ZDHHC24: variants seen among roughly 807,000 people sequenced by gnomAD.
The protein encoded by ZDHHC24 is zDHHC palmitoyltransferase 24.
In ZDHHC24, 17 loss-of-function variants were observed where a neutral mutation model predicts 23.2. That is an observed-to-expected ratio of 0.73 (90% CI 0.50 to 1.10). The LOEUF is 1.10. ZDHHC24 is among the 50% of genes least tolerant of loss of function. ZDHHC24 has a pLI of 0.00. For missense variants in ZDHHC24, 366 were observed against 393.0 expected (o/e 0.93, Z 0.58); for synonymous variants, 186 against 194.5 (o/e 0.96, Z 0.36).
At chr11:66,525,685 G>A (rs1008579343) in intron 4 of ZDHHC24, among the ~76,000 whole-genome samples, 1 of 152,216 alleles carries the variant, frequency 6.6e-6, no homozygotes, top group Non-Finnish European at 1.5e-5. Context: ...TGGTATGCTC[G>A]TTGAAAGAAG....
rs1277126890 is a variant in ZDHHC24 at position 66,536,138 on chromosome 11, C to G, written c.*3391G>C. The G allele has an allele frequency of 6.6e-6, 1 of 152,320 alleles. No homozygotes were observed. Among genetic ancestry groups the G allele is most frequent in the Non-Finnish European group, 1.5e-5 (1 of 68,136 alleles). 9.4% of individuals were successfully genotyped at this position (152,320 alleles called of 1,614,324 possible). ...GAATGACTGAAACAGGACAGTGTCT[C>G]CCCCACCAGGAAGGGGCAACAGCAG... On this transcript the variant is annotated 3_prime_UTR_variant, in exon 3 of 3. Coordinates refer to ENST00000310442, the MANE Select transcript of ZDHHC24 (RefSeq NM_207340.3).
chr11:66,527,114 C>T (rs1207950289), intron 3 of ZDHHC24: 12 of 1,176,302 alleles, frequency 1.0e-5, no homozygotes, highest in Admixed American at 4.0e-5. Flanking sequence ...TGGTGGCTCA[C>T]GCCTGTAATC....
chr11:66,540,620 C>G (rs1223583336), intron 2 of ZDHHC24, among the ~76,000 whole-genome samples: 1 of 151,306 alleles, frequency 6.6e-6, no homozygotes, highest in Non-Finnish European at 1.5e-5. Flanking sequence ...CCCAGCTACT[C>G]AGGAGGCTGA....
Position 66,545,936 on chromosome 11 carries a change from G to A in ZDHHC24, c.68C>T (p.Ala23Val). 2 of 1,503,676 alleles carry A rather than the reference G, an allele frequency of 1.3e-6. No individual in the cohort carries two copies. The highest frequency in any genetic ancestry group is 1.8e-6 in the Non-Finnish European group (2 of 1,136,550). 93.1% of individuals were successfully genotyped at this position (1,503,676 alleles called of 1,614,324 possible). ...APAQLPLVLT[A>V]LWAAAVGLEL... is the part of the protein sequence containing the mutation. ...CAGGCCCACGGCCGCGGCCCACAGC[G>A]CGGTGAGCACGAGAGGCAGCTGCGC... The change falls in exon 1 of 3, where the codon GCG becomes GTG. Residue 23 changes from alanine to valine, a missense_variant. Transcript: ENST00000310442. This position sits in a 1 kb window ranked among gnomAD's most constrained non-coding sequence, Gnocchi z 4.5.
rs1856982187 is a variant in ZDHHC24, at chr11:66,536,800, G to A, written c.*2729C>T. 1.3e-5 allele frequency: 2 copies of A among 151,544 alleles called. No homozygotes were observed. The highest frequency in any genetic ancestry group is 6.6e-5 in the Admixed American group (1 of 15,212). The allele number at this position is 151,544 out of a possible 1,614,324, so 9.4% of individuals were successfully genotyped here. A position where few individuals can be genotyped will look rare whatever the true frequency, so the allele number is the denominator to read the frequency against. On this transcript the variant is annotated 3_prime_UTR_variant, in exon 3 of 3. Coordinates refer to ENST00000310442, the MANE Select transcript of ZDHHC24 (RefSeq NM_207340.3). ...GCAGCAGGAGAATCGCTTGAACCCG[G>A]GAGGCGGAGGTTTCGGTGAACCAAG... is the stretch of plus-strand genomic sequence containing the variant.
intron 4 of ZDHHC24, chr11:66,521,500 C>T (rs1246518507): frequency 2.5e-6 from 2 of 787,706 alleles, no homozygotes; most frequent in Non-Finnish European, 4.3e-6. Flanking sequence ...CTGAGAACTT[C>T]ATAAAGGAGG....
chr11:66,543,576 C>G, intron 2 of ZDHHC24, 128 bp downstream of exon 2: 1 of 1,233,604 alleles, frequency 8.1e-7, no homozygotes. Flanking sequence ...GCTGCCCTTA[C>G]TGGCCATCAC....
intron 3 of ZDHHC24, among the ~76,000 whole-genome samples, chr11:66,528,166 A>G (rs1856602616): frequency 6.6e-6 from 1 of 152,228 alleles, no homozygotes; most frequent in Non-Finnish European, 1.5e-5. Flanking sequence ...CAGTGAACCA[A>G]GATCACGCCA....
At chr11:66,540,279 C>T (rs1244194726) in intron 2 of ZDHHC24, among the ~76,000 whole-genome samples, 2 of 151,952 alleles carry the variant, frequency 1.3e-5, no homozygotes, top group South Asian at 2.1e-4. Flanking sequence ...ATTAGCCAGA[C>T]GTGGTGGCAG....
At chr11:66,531,914 G>T (rs773951347), downstream of ZDHHC24, 7 of 1,569,982 alleles carry the variant, frequency 4.5e-6, no homozygotes, top group Non-Finnish European at 5.2e-6. Context: ...GGGGTCAGGG[G>T]TGTATGCCCC....
chr11:66,541,272 G>A (rs1052489966), intron 2 of ZDHHC24, among the ~76,000 whole-genome samples: 16 of 151,784 alleles, frequency 1.1e-4, no homozygotes, highest in Non-Finnish European at 1.3e-4. Flanking sequence ...GCGTGGTGGC[G>A]CATGCCTGTA....
At chr11:66,521,075 C>G, downstream of ZDHHC24, 1 of 630,582 alleles carries the variant, frequency 1.6e-6, no homozygotes, top group East Asian at 2.8e-5. Context: ...ATCGTTTAGT[C>G]AAAAGGCACA....
chr11:66,545,619 A>G lies in ZDHHC24; in HGVS notation c.281+104T>C, dbSNP rs183904222. The G allele has an allele frequency of 1.6e-3, 2,080 of 1,297,100 alleles. 4 individuals are homozygous for G. The highest frequency in any genetic ancestry group is 1.8e-3 in the Non-Finnish European group (1,786 of 987,778). 80.3% of individuals were successfully genotyped at this position (1,297,100 alleles called of 1,614,324 possible). On this transcript the variant is annotated intron_variant, in intron 1 of 2. Transcript: ENST00000310442. The surrounding 1 kb of genome is among the most constrained non-coding windows in gnomAD (Gnocchi z 4.5). ...TCTAAAAAAATGTCTGATTCTAACA[A>G]CCTGGATCCTAATGTAACCCGGTTC...
At chr11:66,527,023 G>A in intron 3 of ZDHHC24, 1 of 1,536,302 alleles carries the variant, frequency 6.5e-7, no homozygotes, top group Non-Finnish European at 8.7e-7. Context: ...GTGACAGCAA[G>A]AGCCCTTAGA....
chr11:66,545,863 T>TC lies in ZDHHC24; in HGVS notation c.140dup (p.Pro48ThrfsTer191). On this transcript the variant is annotated frameshift_variant, in exon 1 of 3. Coordinates refer to ENST00000310442, the MANE Select transcript of ZDHHC24 (RefSeq NM_207340.3). LOFTEE classifies it high-confidence loss of function. The surrounding 1 kb of genome is among the most constrained non-coding windows in gnomAD (Gnocchi z 4.5). ...CCAGCTGCAAGGCCCGGGCCAGGGG[T>TC]CCCAGCGGCGGCGGCCCGGGACCGA... 1 of 1,551,100 alleles carries TC rather than the reference T, an allele frequency of 6.4e-7. No individual in the cohort carries two copies. Among genetic ancestry groups the TC allele is most frequent in the African/African-American group, 1.4e-5 (1 of 73,422 alleles).
At position 66,543,848 on chromosome 11, in the gene ZDHHC24, A is replaced by G; in HGVS notation, c.415T>C (p.Phe139Leu). The G allele has an allele frequency of 6.2e-7, 1 of 1,613,844 alleles. No homozygotes were observed. The highest frequency in any genetic ancestry group is 8.5e-7 in the Non-Finnish European group (1 of 1,179,866). ...GCGGCATGAAGCAGCAGGCACAGGA[A>G]GGGCCGGTAGTTGCCGAAGCCCACG... is the stretch of plus-strand genomic sequence containing the variant. ...RCVGFGNYRP[F>L]LCLLLHAAGV... Residue 139 changes from phenylalanine to leucine, a missense_variant, in exon 2 of 3, where the codon TTC (phenylalanine) becomes CTC (leucine). Transcript: ENST00000310442.
At chr11:66,526,302 G>A in intron 4 of ZDHHC24, 1 of 1,122,646 alleles carries the variant, frequency 8.9e-7, no homozygotes. Context: ...ACCTGGGTGT[G>A]GAAAGTAAGG....
At chr11:66,523,171 G>T (rs1436339933) in intron 4 of ZDHHC24, 1 of 559,306 alleles carries the variant, frequency 1.8e-6, no homozygotes, top group Non-Finnish European at 3.4e-6. Flanking sequence ...TTAAATGCTA[G>T]ATGATCATAC....
chr11:66,534,275 T>A (rs1644162062), downstream of ZDHHC24, among the ~76,000 whole-genome samples: 1 of 149,778 alleles, frequency 6.7e-6, no homozygotes, highest in South Asian at 2.1e-4. Context: ...AAACCCCATC[T>A]CTACTAAAAA....
Sources: gnomAD v4.1 joint callset for allele counts (sites outside exome capture counted in the v4.1 genomes callset) on GRCh38, gnomAD v4.1.1 for gene constraint, Gnocchi (gnomAD v3.1) non-coding constraint, MANE v1.5 for transcripts, NCBI Gene and HGNC (gene_info 2026-07-23, HGNC 2026-07-21) for gene names.